Variants in KRTAP4-11 observed in about 807,000 individuals in gnomAD.
KRTAP4-11 encodes the protein keratin associated protein 4-11.
Under a neutral mutation model 3.4 loss-of-function variants are expected in KRTAP4-11, and 3 were observed. The observed-to-expected ratio is 0.87, with a 90% CI of 0.40 to 2.26. The LOEUF (loss-of-function observed/expected upper bound fraction) is 2.26. KRTAP4-11 is among the 30% of genes most tolerant of loss of function. The pLI, the probability that KRTAP4-11 is intolerant of heterozygous loss-of-function variation, is 0.05. For missense variants in KRTAP4-11, 248 were observed against 258.8 expected (o/e 0.96, Z 0.29); for synonymous variants, 94 against 89.4 (o/e 1.05, Z -0.29).
In KRTAP4-11 at chr17:41,117,619, C is replaced by T. The variant is rs2014304541; in HGVS notation, c.*109G>A. 3 of 1,455,120 alleles carry T rather than the reference C, an allele frequency of 2.1e-6. No homozygotes were observed. The highest frequency in any genetic ancestry group is 1.4e-5 in the African/African-American group (1 of 69,938). 90.1% of individuals were successfully genotyped at this position (1,455,120 alleles called of 1,614,324 possible). On this transcript the variant is annotated 3_prime_UTR_variant, in exon 1 of 1. Transcript: ENST00000391413. ...GGCTCATTGGAAACATGAAGTCCAC[C>T]CTGCTGAATGACATCAATCCCACTC...
Position 41,117,489 on chromosome 17 carries a change from T to C in KRTAP4-11, c.*239A>G. Reference sequence around the variant, plus strand: ...TGGAATAATTTCTTAGCTAGTGGATTACAAATTATTTCATATTTGGTGCCA... The same window carrying C: ...TGGAATAATTTCTTAGCTAGTGGATCACAAATTATTTCATATTTGGTGCCA... On this transcript the variant is annotated 3_prime_UTR_variant, in exon 1 of 1. Transcript: ENST00000391413. The C allele has an allele frequency of 1.5e-6, 1 of 674,568 alleles. No homozygotes were observed. The highest frequency in any genetic ancestry group is 2.4e-5 in the South Asian group (1 of 41,686). The allele number at this position is 674,568 out of a possible 1,614,324, so 41.8% of individuals were successfully genotyped here.
At position 41,117,679 on chromosome 17, in the gene KRTAP4-11, T is replaced by C; in HGVS notation, c.*49A>G. On this transcript the variant is annotated 3_prime_UTR_variant, in exon 1 of 1. Coordinates refer to ENST00000391413, the MANE Select transcript of KRTAP4-11 (RefSeq NM_033059.4). ...TAATAGTCAGCACAGAAGAATGGTC[T>C]ACAACTGTGGGCCTGCAGTGAAGGG... 6.5e-7 allele frequency: 1 copy of C among 1,536,198 alleles called. No individual in the cohort carries two copies. Among genetic ancestry groups the C allele is most frequent in the East Asian group, 2.4e-5 (1 of 41,020 alleles).
In KRTAP4-11 at chr17:41,117,493, A is replaced by G; in HGVS notation, c.*235T>C. ...ATAATTTCTTAGCTAGTGGATTACA[A>G]ATTATTTCATATTTGGTGCCATGAC... On this transcript the variant is annotated 3_prime_UTR_variant, in exon 1 of 1. Transcript: ENST00000391413. 1.4e-6 allele frequency: 1 copy of G among 694,018 alleles called. No homozygotes were observed. The highest frequency in any genetic ancestry group is 4.1e-4 in the Middle Eastern group (1 of 2,436). The allele number at this position is 694,018 out of a possible 1,614,324, so 43.0% of individuals were successfully genotyped here.
chr17:41,117,622 G>C lies in KRTAP4-11; in HGVS notation c.*106C>G. 6.8e-7 allele frequency: 1 copy of C among 1,461,056 alleles called. No homozygotes were observed. The highest frequency in any genetic ancestry group is 2.5e-5 in the East Asian group (1 of 40,178). The allele number at this position is 1,461,056 out of a possible 1,614,324, so 90.5% of individuals were successfully genotyped here. Reference sequence around the variant, plus strand: ...TCATTGGAAACATGAAGTCCACCCTGCTGAATGACATCAATCCCACTCCAT... The same window carrying C: ...TCATTGGAAACATGAAGTCCACCCTCCTGAATGACATCAATCCCACTCCAT... On this transcript the variant is annotated 3_prime_UTR_variant, in exon 1 of 1. Transcript: ENST00000391413.
At position 41,118,006 on chromosome 17, in the gene KRTAP4-11, A is replaced by T. The variant is rs1377198156; in HGVS notation, c.310T>A (p.Cys104Ser). 1 of 1,478,994 alleles carries T rather than the reference A, an allele frequency of 6.8e-7. No individual in the cohort carries two copies. The highest frequency in any genetic ancestry group is 9.1e-7 in the Non-Finnish European group (1 of 1,103,440). The allele number at this position is 1,478,994 out of a possible 1,614,324, so 91.6% of individuals were successfully genotyped here. The change falls in exon 1 of 1, where the codon TGC becomes AGC. Residue 104 changes from cysteine to serine, a missense_variant. Physicochemically the swap from Cys to Ser is moderately radical, Grantham distance 112 (BLOSUM62 -1). Transcript: ENST00000391413. ...GGGCGACAGCAGCTGGAGATGCAGC[A>T]TCTGGGGCGGCAGCAAGTGGGCTGG... ...CCQPTCCRPR[C>S]CISSCCRPSC...
At position 41,118,033 on chromosome 17, in the gene KRTAP4-11, A is replaced by G; in HGVS notation, c.283T>C (p.Cys95Arg). ...CTGGGGCGGCAGCAAGTGGGCTGGC[A>G]GCACATAGACTGGCAGCACTGGGGC... Reference protein sequence around the residue: ...CKPQCCQSMCCQPTCCRPRCC... With the variant: ...CKPQCCQSMCRQPTCCRPRCC... The change falls in exon 1 of 1, where the codon TGC becomes CGC. Residue 95 changes from cysteine (C) to arginine (R), a missense_variant. Transcript: ENST00000391413. 2 of 1,483,864 alleles carry G rather than the reference A, an allele frequency of 1.3e-6. No individual in the cohort carries two copies. The highest frequency in any genetic ancestry group is 1.8e-6 in the Non-Finnish European group (2 of 1,107,002). The allele number at this position is 1,483,864 out of a possible 1,614,324, so 91.9% of individuals were successfully genotyped here. A position where few individuals can be genotyped will look rare whatever the true frequency, so the allele number is the denominator to read the frequency against.
rs1246495764 is a variant in KRTAP4-11 at position 41,117,606 on chromosome 17, A to T, written c.*122T>A. 2 of 1,422,370 alleles carry T rather than the reference A, an allele frequency of 1.4e-6. No individual in the cohort carries two copies. The highest frequency in any genetic ancestry group is 1.9e-6 in the Non-Finnish European group (2 of 1,068,296). The allele number at this position is 1,422,370 out of a possible 1,614,324, so 88.1% of individuals were successfully genotyped here. A position where few individuals can be genotyped will look rare whatever the true frequency, so the allele number is the denominator to read the frequency against. ...TGGGATGGTGATGGGCTCATTGGAAACATGAAGTCCACCCTGCTGAATGAC... is the reference window on the plus strand; with the variant it reads ...TGGGATGGTGATGGGCTCATTGGAATCATGAAGTCCACCCTGCTGAATGAC... On this transcript the variant is annotated 3_prime_UTR_variant, in exon 1 of 1. Coordinates refer to ENST00000391413, the MANE Select transcript of KRTAP4-11 (RefSeq NM_033059.4).
chr17:41,118,344 G>A lies in KRTAP4-11; in HGVS notation c.-29C>T. On this transcript the variant is annotated 5_prime_UTR_variant, in exon 1 of 1. Coordinates refer to ENST00000391413, the MANE Select transcript of KRTAP4-11 (RefSeq NM_033059.4). Reference sequence around the variant, plus strand: ...GTCAGAGGGTGAAGGATCTAGTTGGGTTTCTAGGAGAGTGAAGTTCTTGTG... The same window carrying A: ...GTCAGAGGGTGAAGGATCTAGTTGGATTTCTAGGAGAGTGAAGTTCTTGTG... 2 of 1,563,762 alleles carry A rather than the reference G, an allele frequency of 1.3e-6. No homozygotes were observed. Among genetic ancestry groups the A allele is most frequent in the Non-Finnish European group, 1.7e-6 (2 of 1,153,390 alleles).
In KRTAP4-11 at chr17:41,118,130, G is replaced by A. The variant is rs1350363723; in HGVS notation, c.186C>T (p.Pro62=). 3.8e-6 allele frequency: 6 copies of A among 1,561,400 alleles called. No individual in the cohort carries two copies. The highest frequency in any genetic ancestry group is 3.5e-5 in the Admixed American group (2 of 57,384). Residue 62 remains proline, a synonymous_variant, in exon 1 of 1, where the codon CCC becomes CCT. Transcript: ENST00000391413. ...TGCAGCATCTGGGGCGGCAGCAGGT[G>A]GGCTGGCAGCACACAGACTGGCAGC... ...PQCCQSVCCQ[P]TCCRPRCCIS...
Position 41,117,700 on chromosome 17 carries a change from A to C in KRTAP4-11, c.*28T>G. 1 of 1,555,078 alleles carries C rather than the reference A, an allele frequency of 6.4e-7. No homozygotes were observed. Among genetic ancestry groups the C allele is most frequent in the Non-Finnish European group, 8.7e-7 (1 of 1,149,046 alleles). ...GGTCTACAACTGTGGGCCTGCAGTG[A>C]AGGGAGAGATGAGCCAGGGCAGTGG... On this transcript the variant is annotated 3_prime_UTR_variant, in exon 1 of 1. Transcript: ENST00000391413.
rs1268137983 is a variant in KRTAP4-11 at position 41,117,225 on chromosome 17, A to G, written c.*503T>C. On this transcript the variant is annotated 3_prime_UTR_variant, in exon 1 of 1. Transcript: ENST00000391413. ...ATACAATATATTTTGTGAACACAAT[A>G]AAGATAAAGAACCAATAAAATAGAA... The G allele has an allele frequency of 1.9e-5, 3 of 161,378 alleles. No individual in the cohort carries two copies. The highest frequency in any genetic ancestry group is 7.2e-5 in the African/African-American group (3 of 41,412). The allele number at this position is 161,378 out of a possible 1,614,324, so 10.0% of individuals were successfully genotyped here.
Position 41,117,542 on chromosome 17 carries a change from G to A in KRTAP4-11, c.*186C>T, listed in dbSNP as rs1359248053. The A allele has an allele frequency of 2.1e-6, 2 of 949,082 alleles. No individual in the cohort carries two copies. The highest frequency in any genetic ancestry group is 3.1e-6 in the Non-Finnish European group (2 of 651,178). The allele number at this position is 949,082 out of a possible 1,614,324, so 58.8% of individuals were successfully genotyped here. A position where few individuals can be genotyped will look rare whatever the true frequency, so the allele number is the denominator to read the frequency against. On this transcript the variant is annotated 3_prime_UTR_variant, in exon 1 of 1. Transcript: ENST00000391413. ...ACTGGAAGAGAAAGAAAGCAAGGGA[G>A]GGAGTTTAAAATGAACCAGAATGTT...
At position 41,117,274 on chromosome 17, in the gene KRTAP4-11, C is replaced by G; in HGVS notation, c.*454G>C. 5.6e-6 allele frequency: 1 copy of G among 179,128 alleles called. No homozygotes were observed. The highest frequency in any genetic ancestry group is 1.2e-5 in the Non-Finnish European group (1 of 86,176). The allele number at this position is 179,128 out of a possible 1,614,324, so 11.1% of individuals were successfully genotyped here. ...AAAAATTCTGGCAAACTTGAACAAACAGAGACAAAGAGAGAACAGGGAGAA... is the reference window on the plus strand; with the variant it reads ...AAAAATTCTGGCAAACTTGAACAAAGAGAGACAAAGAGAGAACAGGGAGAA... On this transcript the variant is annotated 3_prime_UTR_variant, in exon 1 of 1. Transcript: ENST00000391413.
At position 41,117,672 on chromosome 17, in the gene KRTAP4-11, A is replaced by G. The variant is rs1191399565; in HGVS notation, c.*56T>C. On this transcript the variant is annotated 3_prime_UTR_variant, in exon 1 of 1. Coordinates refer to ENST00000391413, the MANE Select transcript of KRTAP4-11 (RefSeq NM_033059.4). ...TGTGTCCTAATAGTCAGCACAGAAG[A>G]ATGGTCTACAACTGTGGGCCTGCAG... is the stretch of plus-strand genomic sequence containing the variant. 4 of 1,526,188 alleles carry G rather than the reference A, an allele frequency of 2.6e-6. No individual in the cohort carries two copies. Among genetic ancestry groups the G allele is most frequent in the Non-Finnish European group, 3.5e-6 (4 of 1,133,590 alleles). The allele number at this position is 1,526,188 out of a possible 1,614,324, so 94.5% of individuals were successfully genotyped here.
rs2014332257 is a variant in KRTAP4-11, at chr17:41,118,344, G to C, written c.-29C>G. On this transcript the variant is annotated 5_prime_UTR_variant, in exon 1 of 1. Transcript: ENST00000391413. ...GTCAGAGGGTGAAGGATCTAGTTGG[G>C]TTTCTAGGAGAGTGAAGTTCTTGTG... 6.4e-7 allele frequency: 1 copy of C among 1,563,762 alleles called. No homozygotes were observed. Among genetic ancestry groups the C allele is most frequent in the Non-Finnish European group, 8.7e-7 (1 of 1,153,390 alleles).
chr17:41,118,241 G>A lies in KRTAP4-11; in HGVS notation c.75C>T (p.Cys25=), dbSNP rs766269283. The change falls in exon 1 of 1, where the codon TGC becomes TGT. Residue 25 remains cysteine (C), a synonymous_variant. Coordinates refer to ENST00000391413, the MANE Select transcript of KRTAP4-11 (RefSeq NM_033059.4). The stretch of plus-strand genomic sequence containing the variant: ...AGGTGGTCTCACAGCAGCTGGGGCG[G>A]CAGCAGGTCTCCTGGCAGAGGTCTC... ...CGRDLCQETC[C]RPSCCETTCC... The A allele has an allele frequency of 2.5e-6, 4 of 1,613,618 alleles. No individual in the cohort carries two copies. The highest frequency in any genetic ancestry group is 3.3e-5 in the Admixed American group (2 of 60,010).
Position 41,118,206 on chromosome 17 carries a change from G to A in KRTAP4-11, c.110C>T (p.Thr37Ile). 1 of 1,609,782 alleles carries A rather than the reference G, an allele frequency of 6.2e-7. No individual in the cohort carries two copies. The change falls in exon 1 of 1, where the codon ACC (threonine) becomes ATC (isoleucine). Residue 37 changes from threonine to isoleucine, a missense_variant. By Grantham distance (89) the Thr-to-Ile change is moderately conservative. Coordinates refer to ENST00000391413, the MANE Select transcript of KRTAP4-11 (RefSeq NM_033059.4). Reference protein sequence around the residue: ...PSCCETTCCRTTYCRPSCCVS... With the variant: ...PSCCETTCCRITYCRPSCCVS... ...ACAGCAGCTGGGGCGACAGTAGGTG[G>A]TCCTGCAGCAGGTGGTCTCACAGCA... is the stretch of plus-strand genomic sequence containing the variant.
In KRTAP4-11 at chr17:41,118,088, G is replaced by T. The variant is rs761210104; in HGVS notation, c.228C>A (p.Arg76=). The T allele has an allele frequency of 1.3e-6, 2 of 1,581,456 alleles. No homozygotes were observed. The highest frequency in any genetic ancestry group is 2.3e-5 in the East Asian group (1 of 44,120). The change falls in exon 1 of 1, where the codon CGC becomes CGA. Residue 76 remains arginine (R), a synonymous_variant. Coordinates refer to ENST00000391413, the MANE Select transcript of KRTAP4-11 (RefSeq NM_033059.4). The stretch of plus-strand genomic sequence containing the variant: ...AGCAGCTGGACACACAGCAGCTGGG[G>T]CGACAGCAGCTGGAGATGCAGCATC... The part of the protein sequence containing the change: ...RPRCCISSCC[R]PSCCVSSCCK...
rs150832040 is a variant in KRTAP4-11, at chr17:41,117,248, G to A, written c.*480C>T. ...ATAAAGATAAAGAACCAATAAAATA[G>A]AAAAATTCTGGCAAACTTGAACAAA... is the stretch of plus-strand genomic sequence containing the variant. On this transcript the variant is annotated 3_prime_UTR_variant, in exon 1 of 1. Transcript: ENST00000391413. 2 of 167,996 alleles carry A rather than the reference G, an allele frequency of 1.2e-5. No homozygotes were observed. The highest frequency in any genetic ancestry group is 2.5e-5 in the Non-Finnish European group (2 of 78,486). 10.4% of individuals were successfully genotyped at this position (167,996 alleles called of 1,614,324 possible).
Sources: allele counts gnomAD v4.1 joint callset, GRCh38; gene constraint gnomAD v4.1.1; transcripts MANE v1.5; gene names NCBI Gene and HGNC (gene_info 2026-07-23, HGNC 2026-07-21).